Variants in ARID2 observed in about 807,000 individuals in gnomAD.
ARID2 encodes AT-rich interaction domain 2.
Under a neutral mutation model 184.6 loss-of-function variants are expected in ARID2, and 32 were observed. The ratio of observed to expected loss-of-function variants is 0.17; its 90% CI spans 0.13 to 0.23. ARID2 has a LOEUF of 0.23. Ranked by LOEUF, ARID2 falls within the 10% of genes least tolerant of loss-of-function variation. The pLI is 1.00. For synonymous variants in ARID2, 836 were observed against 772.6 expected (o/e 1.08, Z -1.36); for missense variants, 1,696 against 2,197.6 (o/e 0.77, Z 4.56).
chr12:45,772,952 A>G (rs902215373), intron 3 of ARID2, among the ~76,000 whole-genome samples: 1 of 152,190 alleles, frequency 6.6e-6, no homozygotes, highest in African/African-American at 2.4e-5. Context: ...ACAGTAGCAG[A>G]ATATGGATTT....
chr12:45,856,979 A>G (rs961728667), intron 15 of ARID2, among the ~76,000 whole-genome samples: 3 of 152,200 alleles, frequency 2.0e-5, no homozygotes, highest in Admixed American at 1.3e-4. Context: ...TGTTGGAAAC[A>G]TATTTGCTAA....
Position 45,729,943 on chromosome 12 carries a change from G to C in ARID2, c.92+15G>C, listed in dbSNP as rs763554138. On this transcript the variant is annotated intron_variant, in intron 1 of 20. Coordinates refer to ENST00000334344, the MANE Select transcript of ARID2 (RefSeq NM_152641.4). ...CACAGCAGAGGGTGAGAGCAGAACC[G>C]GGGGGGCAGCGCCGGGGCGAGCCGG... 1.9e-5 allele frequency: 30 copies of C among 1,602,044 alleles called. No homozygotes were observed. Among genetic ancestry groups the C allele is most frequent in the African/African-American group, 2.7e-5 (2 of 74,766 alleles).
chr12:45,866,629 T>G (rs1943835666), intron 16 of ARID2, among the ~76,000 whole-genome samples: 1 of 152,212 alleles, frequency 6.6e-6, no homozygotes, highest in Non-Finnish European at 1.5e-5. Context: ...GGAAATTTCT[T>G]TGCTGATCTG....
rs2138170872 is a variant in ARID2, at chr12:45,851,423, G to T, written c.3300G>T (p.Gln1100His). The T allele has an allele frequency of 1.2e-6, 2 of 1,614,136 alleles. No individual in the cohort carries two copies. The highest frequency in any genetic ancestry group is 1.7e-5 in the Admixed American group (1 of 60,020). ...ARAPSPQVVY[Q>H]VASNQAAGFG... is the part of the protein sequence containing the mutation. ...CTCCTAGCCCTCAGGTGGTCTATCA[G>T]GTGGCCAGTAACCAAGCCGCAGGTT... Residue 1100 changes from glutamine (Q) to histidine (H), a missense_variant, in exon 15 of 21, where the codon CAG becomes CAT. Coordinates refer to ENST00000334344, the MANE Select transcript of ARID2 (RefSeq NM_152641.4).
chr12:45,739,537 T>C (rs1941207635), intron 3 of ARID2, among the ~76,000 whole-genome samples: 1 of 150,454 alleles, frequency 6.6e-6, no homozygotes, highest in Non-Finnish European at 1.5e-5. Context: ...AATAAAGTTG[T>C]GTAATCTATT....
intron 3 of ARID2, among the ~76,000 whole-genome samples, chr12:45,808,910 G>T (rs759542157): frequency 5.9e-5 from 9 of 152,078 alleles, no homozygotes; most frequent in Non-Finnish European, 1.2e-4. Context: ...GATTACAGGC[G>T]TGCGCCACCA....
chr12:45,797,812 T>C (rs1942418080), intron 3 of ARID2, among the ~76,000 whole-genome samples: 1 of 152,000 alleles, frequency 6.6e-6, no homozygotes, highest in Non-Finnish European at 1.5e-5. Context: ...AATACTAGCT[T>C]TTTATATCAG....
At chr12:45,779,428 C>G (rs1942047557) in intron 3 of ARID2, among the ~76,000 whole-genome samples, 1 of 151,954 alleles carries the variant, frequency 6.6e-6, no homozygotes, top group South Asian at 2.1e-4. Flanking sequence ...CAAATATTGT[C>G]AAAATACTGA....
rs2138164209 is a variant in ARID2 at position 45,850,683 on chromosome 12, G to A, written c.2560G>A (p.Val854Ile). The change falls in exon 15 of 21, where the codon GTA becomes ATA. Residue 854 changes from valine to isoleucine, a missense_variant. This residue lies in a region of ARID2 where 713 missense variants were observed against 824.4 expected (regional missense o/e 0.86). Transcript: ENST00000334344. ...DTVIIAPPQY[V>I]TTSASNIVSA... ...TGTTATCATAGCACCCCCACAGTAT[G>A]TAACAACTTCTGCATCCAATATTGT... 1.2e-6 allele frequency: 2 copies of A among 1,614,072 alleles called. No homozygotes were observed. Among genetic ancestry groups the A allele is most frequent in the Non-Finnish European group, 1.7e-6 (2 of 1,179,966 alleles).
intron 15 of ARID2, among the ~76,000 whole-genome samples, chr12:45,853,637 A>G (rs967354882): frequency 6.6e-6 from 1 of 152,194 alleles, no homozygotes; most frequent in Admixed American, 6.5e-5. Context: ...CACTGAAATC[A>G]TGGATTCTCT....
intron 3 of ARID2, among the ~76,000 whole-genome samples, chr12:45,732,539 G>A (rs939244013): frequency 2.0e-5 from 3 of 152,180 alleles, no homozygotes; most frequent in Non-Finnish European, 2.9e-5. Context: ...AAATTAAAGG[G>A]CTAAATCAAA....
intron 16 of ARID2, chr12:45,881,795 A>C (rs1433462330): frequency 4.6e-6 from 1 of 217,568 alleles, no homozygotes; most frequent in African/African-American, 2.4e-5. Context: ...TCCTGGACTG[A>C]GAAGGCTCTG....
intron 11 of ARID2, chr12:45,839,948 A>T (rs1012646977): frequency 1.3e-5 from 2 of 158,916 alleles, no homozygotes; most frequent in African/African-American, 4.8e-5. Flanking sequence ...ACAGCCTAGG[A>T]GAAGACACAT....
Position 45,836,515 on chromosome 12 carries a change from CTG to C in ARID2, c.706-67_706-66del, listed in dbSNP as rs1309087368. On this transcript the variant is annotated intron_variant, in intron 6 of 20. Coordinates refer to ENST00000334344, the MANE Select transcript of ARID2 (RefSeq NM_152641.4). ...ACAGGCATGAGCCACCATACCTAGCCTGTGTGTGACTATTTCTAAAGCAATAG... is the reference window on the plus strand; with the variant it reads ...ACAGGCATGAGCCACCATACCTAGCCTGTGTGACTATTTCTAAAGCAATAG... The C allele has an allele frequency of 5.0e-6, 7 of 1,387,084 alleles. No homozygotes were observed. The African/African-American group carries it at 1.0e-4, about 20-fold the overall frequency. 85.9% of individuals were successfully genotyped at this position (1,387,084 alleles called of 1,614,324 possible).
intron 11 of ARID2, chr12:45,841,095 G>A (rs1943335428): frequency 6.6e-6 from 1 of 152,148 alleles, no homozygotes; most frequent in Non-Finnish European, 1.5e-5. Context: ...AGGTGGGAAT[G>A]TTTTTTACCA....
chr12:45,839,635 T>C, intron 11 of ARID2, 139 bp downstream of exon 11: 1 of 916,556 alleles, frequency 1.1e-6, no homozygotes, highest in African/African-American at 1.7e-5. Flanking sequence ...ATATGTACTC[T>C]AATTTCTTAG....
chr12:45,869,785 A>G (rs1364269700), intron 16 of ARID2, among the ~76,000 whole-genome samples: 2 of 151,888 alleles, frequency 1.3e-5, no homozygotes, highest in African/African-American at 4.8e-5. Context: ...AAGGAGGCTG[A>G]AGCAGGAGAA....
At chr12:45,831,842 A>C (rs971474307) in intron 6 of ARID2, among the ~76,000 whole-genome samples, 1 of 152,180 alleles carries the variant, frequency 6.6e-6, no homozygotes, top group Non-Finnish European at 1.5e-5. Context: ...TTGCATACAC[A>C]TTTACAGTTG....
At chr12:45,886,331 C>T (rs1944189653) in intron 16 of ARID2, among the ~76,000 whole-genome samples, 1 of 152,224 alleles carries the variant, frequency 6.6e-6, no homozygotes, top group South Asian at 2.1e-4. Flanking sequence ...AGGTGGGCTC[C>T]TACAGCCTTG....
Sources: gnomAD v4.1 joint callset for allele counts (sites outside exome capture counted in the v4.1 genomes callset) on GRCh38, gnomAD v4.1.1 for gene constraint, gnomAD v4.1.1 regional missense constraint, MANE v1.5 for transcripts, NCBI Gene and HGNC (gene_info 2026-07-23, HGNC 2026-07-21) for gene names.